The following TK2 variants were observed in gnomAD, a reference collection of about 807,000 sequenced individuals.
TK2 encodes the protein thymidine kinase 2, mitochondrial.
Under a neutral mutation model 41.9 loss-of-function variants are expected in TK2, and 35 were observed. The ratio of observed to expected loss-of-function variants is 0.84; its 90% CI spans 0.64 to 1.11. The LOEUF (loss-of-function observed/expected upper bound fraction) is 1.11. TK2 is among the 50% of genes least tolerant of loss of function. TK2 has a pLI of 0.00. For missense variants in TK2, 320 were observed against 351.1 expected, an observed-to-expected ratio of 0.91 and a Z score of 0.71; for synonymous variants, 128 against 129.1, an observed-to-expected ratio of 0.99 and a Z score of 0.06.
chr16:66,550,184 G>A (rs1456076257), upstream of TK2: 3 of 1,612,184 alleles, frequency 1.9e-6, no homozygotes, highest in Non-Finnish European at 1.7e-6. Context: ...AGACCCGGTC[G>A]CATTTCATCT....
chr16:66,549,266 C>T (rs933530482), intron 1 of TK2: 3 of 1,309,808 alleles, frequency 2.3e-6, no homozygotes, highest in Non-Finnish European at 2.9e-6. Flanking sequence ...TTTGCATTTT[C>T]CACGTTATTT....
At chr16:66,518,765 T>G (rs1216677276) in intron 6 of TK2, among the ~76,000 whole-genome samples, 2 of 152,146 alleles carry the variant, frequency 1.3e-5, no homozygotes, top group Non-Finnish European at 2.9e-5. Context: ...CCAAAAGTAT[T>G]CACCAATGCA....
chr16:66,548,571 T>A (rs1428081592), intron 2 of TK2: 2 of 244,660 alleles, frequency 8.2e-6, no homozygotes, highest in Non-Finnish European at 1.6e-5. Context: ...TTCTCTCTGA[T>A]CCCCTGCCCA....
intron 6 of TK2, chr16:66,525,083 C>T (rs75045578): frequency 6.6e-6 from 1 of 152,278 alleles, no homozygotes; most frequent in Non-Finnish European, 1.5e-5. Flanking sequence ...AACAACCAGA[C>T]AGTAAATGCA....
At chr16:66,532,653 G>C (rs529161753) in intron 4 of TK2, among the ~76,000 whole-genome samples, 22 of 151,260 alleles carry the variant, frequency 1.5e-4, no homozygotes, top group Middle Eastern at 3.4e-3. Flanking sequence ...AAAATACCTA[G>C]GAATCTATTT....
At chr16:66,545,341 C>A (rs1965575063) in intron 2 of TK2, among the ~76,000 whole-genome samples, 1 of 152,196 alleles carries the variant, frequency 6.6e-6, no homozygotes, top group Non-Finnish European at 1.5e-5. Flanking sequence ...AAAGCCTCCA[C>A]AGGGAGAATC....
At chr16:66,528,432 C>G (rs1182447808) in intron 6 of TK2, among the ~76,000 whole-genome samples, 1 of 152,224 alleles carries the variant, frequency 6.6e-6, no homozygotes, top group Non-Finnish European at 1.5e-5. Flanking sequence ...CACTGTGCGT[C>G]TGACTCGCCC....
chr16:66,517,070 A>G lies in TK2; in HGVS notation c.618+66T>C. On this transcript the variant is annotated intron_variant, in intron 8 of 9. Transcript: ENST00000544898. The surrounding 1 kb of genome is among the most constrained non-coding windows in gnomAD (Gnocchi z 4.3). ...GATCTCATGGGGGTGGGGCCGGGAG[A>G]GGAAGCCGGGTTGGACAGAGGTGGT... 1.4e-6 allele frequency: 2 copies of G among 1,404,330 alleles called. No homozygotes were observed. The highest frequency in any genetic ancestry group is 2.0e-6 in the Non-Finnish European group (2 of 988,940). The allele number at this position is 1,404,330 out of a possible 1,614,324, so 87.0% of individuals were successfully genotyped here.
At chr16:66,543,034 G>A (rs1364692687) in intron 2 of TK2, among the ~76,000 whole-genome samples, 9 of 152,092 alleles carry the variant, frequency 5.9e-5, no homozygotes, top group African/African-American at 9.7e-5. Flanking sequence ...CACCACACCC[G>A]GCTAATTTTT....
intron 6 of TK2, among the ~76,000 whole-genome samples, chr16:66,521,691 T>C (rs1352663047): frequency 2.6e-5 from 4 of 152,174 alleles, no homozygotes; most frequent in African/African-American, 7.2e-5. Flanking sequence ...CAGCTCCTCC[T>C]GTGTCTGTCT....
At chr16:66,538,030 G>C (rs1486335925) in intron 3 of TK2, among the ~76,000 whole-genome samples, 1 of 152,142 alleles carries the variant, frequency 6.6e-6, no homozygotes, top group African/African-American at 2.4e-5. Context: ...GGATGTAGTG[G>C]TGCATGCCTG....
chr16:66,537,674 C>T (rs1478302073), intron 3 of TK2, among the ~76,000 whole-genome samples: 1 of 152,242 alleles, frequency 6.6e-6, no homozygotes, highest in African/African-American at 2.4e-5. Flanking sequence ...TCTAGACACA[C>T]AAATCTGGGA....
intron 9 of TK2, among the ~76,000 whole-genome samples, chr16:66,512,414 T>C (rs1964479164): frequency 1.3e-5 from 2 of 152,064 alleles, no homozygotes; most frequent in Non-Finnish European, 2.9e-5. Context: ...ATGATTTGTT[T>C]TTTTCCCTCA....
intron 3 of TK2, among the ~76,000 whole-genome samples, chr16:66,541,066 A>T (rs1194755087): frequency 6.6e-6 from 1 of 152,220 alleles, no homozygotes; most frequent in Admixed American, 6.5e-5. Flanking sequence ...TCCACACATA[A>T]ATACTTAACA....
chr16:66,511,702 C>T lies in TK2; in HGVS notation c.*266G>A. ...TAAGGGCTTCATGAGAGCGACTCAG[C>T]AGCACAAAGCCATGGGAGAGGCACC... On this transcript the variant is annotated 3_prime_UTR_variant, in exon 10 of 10. Transcript: ENST00000544898. 1 of 541,032 alleles carries T rather than the reference C, an allele frequency of 1.8e-6. No homozygotes were observed. Among genetic ancestry groups the T allele is most frequent in the Non-Finnish European group, 3.3e-6 (1 of 299,646 alleles). 33.5% of individuals were successfully genotyped at this position (541,032 alleles called of 1,614,324 possible). A position where few individuals can be genotyped will look rare whatever the true frequency, so the allele number is the denominator to read the frequency against.
At chr16:66,540,173 C>CTTTTCTT (rs1965415507) in intron 3 of TK2, among the ~76,000 whole-genome samples, 2 of 130,782 alleles carry the variant, frequency 1.5e-5, no homozygotes, top group Non-Finnish European at 3.2e-5. Flanking sequence ...TTTCTTTTTT[C>CTTTTCTT]TTTTTTTTTT....
chr16:66,526,182 G>A (rs188278774), intron 6 of TK2, among the ~76,000 whole-genome samples: 45 of 152,246 alleles, frequency 3.0e-4, no homozygotes, highest in Non-Finnish European at 5.1e-4. Context: ...TAGGATTGGG[G>A]AACTCACAAA....
At chr16:66,523,058 G>T (rs1274522416) in intron 6 of TK2, among the ~76,000 whole-genome samples, 1 of 152,142 alleles carries the variant, frequency 6.6e-6, no homozygotes, top group Non-Finnish European at 1.5e-5. Flanking sequence ...TTTGTTCACA[G>T]CCCAAAGAGC....
At position 66,514,647 on chromosome 16, in the gene TK2, G is replaced by A. The variant is rs1401298842; in HGVS notation, c.619-836C>T. On this transcript the variant is annotated intron_variant, in intron 8 of 9. Transcript: ENST00000544898. This position sits in a 1 kb window ranked among gnomAD's most constrained non-coding sequence, Gnocchi z 4.2. ...TGGGAAGTGAGGAGCCCCTCTGCCC[G>A]GCCACCACCCCGTCTGGGAGGTGTA... Among the ~76,000 whole-genome samples, 8 of 152,172 alleles carry A rather than the reference G, an allele frequency of 5.3e-5. No individual in the cohort carries two copies. In the East Asian group the frequency reaches 7.7e-4, roughly 15 times the overall value.
Sources: allele counts gnomAD v4.1 joint callset (sites outside exome capture counted in the v4.1 genomes callset), GRCh38; gene constraint gnomAD v4.1.1; non-coding constraint Gnocchi (gnomAD v3.1); transcripts MANE v1.5; gene names NCBI Gene and HGNC (gene_info 2026-07-23, HGNC 2026-07-21).